The following NR6A1 variants were observed in gnomAD, a reference collection of about 807,000 sequenced individuals.
NR6A1 encodes nuclear receptor subfamily 6 group A member 1.
NR6A1 carries 7 observed loss-of-function variants against 59.1 expected under a neutral mutation model. The ratio of observed to expected loss-of-function variants is 0.12; its 90% confidence interval spans 0.07 to 0.22. NR6A1 has a LOEUF of 0.22. Ranked by LOEUF, NR6A1 falls within the 10% of genes least tolerant of loss-of-function variation. The pLI, the probability that NR6A1 is intolerant of heterozygous loss-of-function variation, is 1.00. For missense variants in NR6A1, 468 were observed against 611.6 expected, an observed-to-expected ratio of 0.77 and a Z score of 2.48; for synonymous variants, 243 against 236.1, an observed-to-expected ratio of 1.03 and a Z score of -0.27.
intron 2 of NR6A1, among the ~76,000 whole-genome samples, chr9:124,617,308 A>G (rs1445255608): frequency 1.3e-5 from 2 of 152,242 alleles, no homozygotes; most frequent in Non-Finnish European, 2.9e-5. Flanking sequence ...CATTTCTTCA[A>G]TGGCTGCAAT....
intron 1 of NR6A1, among the ~76,000 whole-genome samples, chr9:124,767,505 CAAAAAAAGAAAAAAAAA>C (rs1840969362): frequency 1.3e-5 from 1 of 76,970 alleles, no homozygotes; most frequent in Admixed American, 1.5e-4. Context: ...ACAGAAGCTA[CAAAAAAAGAAAAAAAAA>C]AAAAAAAGAA....
chr9:124,558,895 G>C (rs1033905690), intron 2 of NR6A1, among the ~76,000 whole-genome samples: 6 of 152,006 alleles, frequency 3.9e-5, no homozygotes, highest in Admixed American at 3.3e-4. Context: ...ACAAACTGAA[G>C]CAAATGCCCC....
chr9:124,598,351 T>TAA (rs35509880), intron 2 of NR6A1, among the ~76,000 whole-genome samples: 1 of 129,832 alleles, frequency 7.7e-6, no homozygotes, highest in African/African-American at 2.9e-5. Flanking sequence ...CGTCCCTACT[T>TAA]AAAAAAAAAA....
At chr9:124,740,294 A>T (rs1840139601) in intron 1 of NR6A1, among the ~76,000 whole-genome samples, 1 of 152,198 alleles carries the variant, frequency 6.6e-6, no homozygotes, top group Non-Finnish European at 1.5e-5. Context: ...ACTACAAACA[A>T]CATGGCTGAA....
At chr9:124,677,113 A>ACAGGTT (rs1837989246) in intron 2 of NR6A1, among the ~76,000 whole-genome samples, 1 of 152,224 alleles carries the variant, frequency 6.6e-6, no homozygotes, top group Non-Finnish European at 1.5e-5. Flanking sequence ...AGAAGAAAAA[A>ACAGGTT]AAAGGCCTTA....
rs903404149 is a variant in NR6A1 at position 124,520,397 on chromosome 9, A to G, written c.*2308T>C. On this transcript the variant is annotated 3_prime_UTR_variant, in exon 10 of 10. Transcript: ENST00000487099. ...TTGTTCTGTGGAATCTGCTGCAAAC[A>G]TTTGTAAAACTGGATTTGTACAATG... 2 of 152,240 alleles carry G rather than the reference A, an allele frequency of 1.3e-5. No homozygotes were observed. Among genetic ancestry groups the G allele is most frequent in the African/African-American group, 2.4e-5 (1 of 41,460 alleles). The allele number at this position is 152,240 out of a possible 1,614,324, so 9.4% of individuals were successfully genotyped here.
chr9:124,770,447 C>G (rs556317018), intron 1 of NR6A1: 27 of 152,070 alleles, frequency 1.8e-4, no homozygotes, highest in African/African-American at 6.5e-4. Context: ...AAGAGGAAAA[C>G]GCTCTAGAAA....
intron 2 of NR6A1, among the ~76,000 whole-genome samples, chr9:124,677,216 A>G (rs1230264231): frequency 6.6e-6 from 1 of 152,174 alleles, no homozygotes; most frequent in Admixed American, 6.5e-5. Context: ...TATATGGTCA[A>G]AATAGTATAG....
At chr9:124,655,304 G>T (rs1192955277) in intron 2 of NR6A1, among the ~76,000 whole-genome samples, 1 of 152,106 alleles carries the variant, frequency 6.6e-6, no homozygotes, top group African/African-American at 2.4e-5. Context: ...TTGAACAAAG[G>T]TTCAAATCCC....
At chr9:124,562,157 T>C (rs1177066650) in intron 2 of NR6A1, among the ~76,000 whole-genome samples, 2 of 152,208 alleles carry the variant, frequency 1.3e-5, no homozygotes, top group East Asian at 3.9e-4. Flanking sequence ...GAGAAGAATC[T>C]CATTCCTTTC....
At chr9:124,698,440 G>A (rs975731506) in intron 2 of NR6A1, 5 of 152,092 alleles carry the variant, frequency 3.3e-5, no homozygotes, top group Admixed American at 6.6e-5. Context: ...ACAGGCTCTC[G>A]ATCCGTGGGA....
chr9:124,767,145 G>A (rs1263747988), intron 1 of NR6A1, among the ~76,000 whole-genome samples: 1 of 152,076 alleles, frequency 6.6e-6, no homozygotes, highest in Non-Finnish European at 1.5e-5. Context: ...TAGGAAAAAA[G>A]TAGGGAATGA....
At chr9:124,738,236 A>G (rs888626786) in intron 1 of NR6A1, among the ~76,000 whole-genome samples, 10 of 152,194 alleles carry the variant, frequency 6.6e-5, no homozygotes, top group African/African-American at 2.4e-4. Flanking sequence ...CCTGGGCAAC[A>G]GAGCAAGACT....
chr9:124,618,223 T>G (rs563061072), intron 2 of NR6A1, among the ~76,000 whole-genome samples: 12 of 152,166 alleles, frequency 7.9e-5, no homozygotes, highest in Non-Finnish European at 1.6e-4. Flanking sequence ...GGCTCACACT[T>G]GTTATCCCAG....
At position 124,649,130 on chromosome 9, in the gene NR6A1, T is replaced by A. The variant is rs761982661; in HGVS notation, c.142+84178A>T. Among the ~76,000 whole-genome samples the A allele has an allele frequency of 3.5e-5, 5 of 144,242 alleles. No individual in the cohort carries two copies. The South Asian group carries it at 1.1e-3, about 31-fold the overall frequency. The allele number at this position is 144,242 out of a possible 152,430, so 94.6% of individuals were successfully genotyped here. On this transcript the variant is annotated intron_variant, in intron 2 of 9. Transcript: ENST00000487099. ...ATATGAAACCTCAAAAGACCCCAAA[T>A]AGCCAAAGCAATCCTGAACTAAAAG...
At chr9:124,681,580 T>A (rs1838160355) in intron 2 of NR6A1, among the ~76,000 whole-genome samples, 1 of 152,112 alleles carries the variant, frequency 6.6e-6, no homozygotes, top group Non-Finnish European at 1.5e-5. Flanking sequence ...GACCTCGTGA[T>A]CTGCCCACCT....
chr9:124,758,559 A>C (rs891212112), intron 1 of NR6A1, among the ~76,000 whole-genome samples: 1 of 152,248 alleles, frequency 6.6e-6, no homozygotes, highest in African/African-American at 2.4e-5. Context: ...TTATAAATGA[A>C]AAAAGTGATC....
chr9:124,742,184 T>C (rs891554755), intron 1 of NR6A1, among the ~76,000 whole-genome samples: 3 of 152,108 alleles, frequency 2.0e-5, no homozygotes, highest in Admixed American at 6.6e-5. Context: ...CCTAGGAAGT[T>C]TGTCAGTAAC....
At chr9:124,764,071 C>A (rs1385494002) in intron 1 of NR6A1, among the ~76,000 whole-genome samples, 1 of 151,782 alleles carries the variant, frequency 6.6e-6, no homozygotes, top group African/African-American at 2.4e-5. Flanking sequence ...GTAATCCCAG[C>A]TACTCAGGAG....
Sources: allele counts gnomAD v4.1 joint callset (sites outside exome capture counted in the v4.1 genomes callset), GRCh38; gene constraint gnomAD v4.1.1; transcripts MANE v1.5; gene names NCBI Gene and HGNC (gene_info 2026-07-23, HGNC 2026-07-21).